PDE8B: variants seen among roughly 807,000 people sequenced by gnomAD.
PDE8B encodes high affinity cAMP-specific and IBMX-insensitive 3',5'-cyclic phosphodiesterase 8B.
In PDE8B, 26 loss-of-function variants were observed where a neutral mutation model predicts 101.3. That is an observed-to-expected ratio of 0.26 (90% CI 0.19 to 0.36). PDE8B has a LOEUF of 0.36. PDE8B is among the 10% of genes least tolerant of loss of function. PDE8B has a pLI of 1.00. For missense variants in PDE8B, 810 were observed against 1,163.1 expected (o/e 0.70, Z 4.42); for synonymous variants, 424 against 429.3 (o/e 0.99, Z 0.15).
At chr5:77,300,858 C>T (rs575828208) in intron 1 of PDE8B, among the ~76,000 whole-genome samples, 19 of 152,274 alleles carry the variant, frequency 1.2e-4, no homozygotes, top group Admixed American at 1.0e-3. Context: ...TCAATAACTG[C>T]TTGGAAATCA....
chr5:77,311,503 A>G (rs78228499), intron 1 of PDE8B, among the ~76,000 whole-genome samples: 6,872 of 152,308 alleles, frequency 0.045, 477 homozygotes, highest in African/African-American at 0.15. Flanking sequence ...ACATGAAGAT[A>G]AGAAAACCAA....
At chr5:77,401,874 A>G (rs1271962236) in intron 11 of PDE8B, among the ~76,000 whole-genome samples, 1 of 152,216 alleles carries the variant, frequency 6.6e-6, no homozygotes, top group Non-Finnish European at 1.5e-5. Context: ...ATTGCTATAG[A>G]TTCTCTTAAT....
At chr5:77,235,779 T>C (rs1754541073) in intron 1 of PDE8B, among the ~76,000 whole-genome samples, 1 of 151,722 alleles carries the variant, frequency 6.6e-6, no homozygotes, top group Admixed American at 6.6e-5. Context: ...GCCTAATATG[T>C]GTCAGTCAAT....
At chr5:77,321,619 G>T (rs1003042457) in intron 2 of PDE8B, among the ~76,000 whole-genome samples, 2 of 152,084 alleles carry the variant, frequency 1.3e-5, no homozygotes, top group African/African-American at 4.8e-5. Context: ...CCTGGAGAAG[G>T]TATTATTTTT....
upstream of PDE8B, among the ~76,000 whole-genome samples, chr5:77,206,368 A>G (rs1034734152): frequency 2.6e-5 from 4 of 152,236 alleles, no homozygotes; most frequent in Non-Finnish European, 5.9e-5. Context: ...TGAAATAAGA[A>G]AAATAGCAGG....
chr5:77,411,601 C>T (rs1005673789), intron 14 of PDE8B, 75 bp from the exon 15 acceptor site: 3 of 1,222,024 alleles, frequency 2.5e-6, no homozygotes, highest in African/African-American at 1.5e-5. Context: ...AAATCTCTTT[C>T]ACTAATAATA....
chr5:77,421,738 C>G (rs1316444120), intron 19 of PDE8B, 83 bp from the exon 20 acceptor site: 6 of 1,336,708 alleles, frequency 4.5e-6, no homozygotes, highest in Non-Finnish European at 2.1e-6. Context: ...GCTCGGTGAT[C>G]ACCATCGAAT....
chr5:77,239,427 G>A (rs936041234), intron 1 of PDE8B, among the ~76,000 whole-genome samples: 19 of 152,260 alleles, frequency 1.2e-4, no homozygotes, highest in African/African-American at 4.6e-4. Context: ...GCAGCTTGGA[G>A]GTGATGCTAG....
the PDE8B span, among the ~76,000 whole-genome samples, chr5:77,183,980 T>TTA: frequency 1.3e-5 from 2 of 150,446 alleles, no homozygotes; most frequent in African/African-American, 2.5e-5. Context: ...TTTTTTTTTT[T>TTA]AAAAAAAAAC....
At chr5:77,410,460 T>G (rs1235687002) in intron 14 of PDE8B, 6 of 152,266 alleles carry the variant, frequency 3.9e-5, no homozygotes, top group Non-Finnish European at 7.3e-5. Flanking sequence ...GGGGAGGTGC[T>G]TCTGCCCTGT....
chr5:77,200,253 A>G, the PDE8B span, among the ~76,000 whole-genome samples: 3 of 151,340 alleles, frequency 2.0e-5, no homozygotes, highest in Non-Finnish European at 4.4e-5. Context: ...AAGAATGGAG[A>G]AAAAAAAATG....
At chr5:77,088,193 A>C in the PDE8B span, 2 of 152,294 alleles carry the variant, frequency 1.3e-5, no homozygotes. Context: ...TGGAGCATGC[A>C]GACGGACGGG....
chr5:77,246,157 G>T (rs1756893756), intron 1 of PDE8B, among the ~76,000 whole-genome samples: 1 of 151,878 alleles, frequency 6.6e-6, no homozygotes, highest in South Asian at 2.1e-4. Flanking sequence ...CTGCCCTATT[G>T]TCTTTTATTT....
At chr5:77,384,253 A>T (rs988504941) in intron 10 of PDE8B, among the ~76,000 whole-genome samples, 1 of 152,146 alleles carries the variant, frequency 6.6e-6, no homozygotes, top group Non-Finnish European at 1.5e-5. Flanking sequence ...GCAATCGTGA[A>T]TGGGAGTTCA....
chr5:77,178,223 A>T, the PDE8B span, among the ~76,000 whole-genome samples: 1 of 152,162 alleles, frequency 6.6e-6, no homozygotes, highest in Admixed American at 6.5e-5. Context: ...ATCCTTCCTC[A>T]TCATCTCTTT....
chr5:77,181,720 G>A, the PDE8B span, among the ~76,000 whole-genome samples: 1 of 152,142 alleles, frequency 6.6e-6, no homozygotes, highest in African/African-American at 2.4e-5. Flanking sequence ...GGGAGGTCAG[G>A]GTGGCTGGGG....
chr5:77,115,422 C>G, the PDE8B span: 1 of 152,154 alleles, frequency 6.6e-6, no homozygotes, highest in African/African-American at 2.4e-5. Context: ...TTTCATCTTT[C>G]TGATGGAGAA....
intron 10 of PDE8B, among the ~76,000 whole-genome samples, chr5:77,367,173 A>G (rs1262919937): frequency 1.3e-5 from 2 of 152,164 alleles, no homozygotes; most frequent in Non-Finnish European, 2.9e-5. Flanking sequence ...ACACACACAC[A>G]CACACACACA....
chr5:77,168,272 C>G, the PDE8B span, among the ~76,000 whole-genome samples: 2 of 152,224 alleles, frequency 1.3e-5, no homozygotes, highest in African/African-American at 4.8e-5. Flanking sequence ...GAAGTCAGAG[C>G]TGGAAGCATC....
Sources: gnomAD v4.1 joint callset for allele counts (sites outside exome capture counted in the v4.1 genomes callset) on GRCh38, gnomAD v4.1.1 for gene constraint, MANE v1.5 for transcripts, NCBI Gene and HGNC (gene_info 2026-07-23, HGNC 2026-07-21) for gene names.